MED12L: variants seen among roughly 807,000 people sequenced by gnomAD.
The protein encoded by MED12L is mediator of RNA polymerase II transcription subunit 12-like protein.
A neutral mutation model predicts 281.3 loss-of-function variants in MED12L; 60 were observed. The observed-to-expected ratio is 0.21, with a 90% confidence interval of 0.17 to 0.26. The LOEUF (loss-of-function observed/expected upper bound fraction) is 0.26. Among genes scored for constraint, MED12L ranks in the 10% least tolerant of loss-of-function variants. The pLI is 1.00. For synonymous variants in MED12L, 974 were observed against 987.2 expected (o/e 0.99, Z 0.25); for missense variants, 2,146 against 2,680.9 (o/e 0.80, Z 4.41).
At chr3:151,259,954 G>A (rs1273061930) in intron 16 of MED12L, among the ~76,000 whole-genome samples, 1 of 152,118 alleles carries the variant, frequency 6.6e-6, no homozygotes. Context: ...TCCCCTTTTG[G>A]TATGTGGTAA....
At chr3:151,259,007 A>G (rs1379824290) in intron 16 of MED12L, among the ~76,000 whole-genome samples, 2 of 152,226 alleles carry the variant, frequency 1.3e-5, no homozygotes, top group African/African-American at 2.4e-5. Flanking sequence ...CTGCACACAC[A>G]TATGTAATAT....
chr3:151,244,728 A>G (rs1273894978), intron 16 of MED12L, among the ~76,000 whole-genome samples: 1 of 151,906 alleles, frequency 6.6e-6, no homozygotes, highest in Non-Finnish European at 1.5e-5. Context: ...AAGAGCAAAC[A>G]CATTCAAAAG....
chr3:151,283,904 C>T (rs1743127355), intron 16 of MED12L, among the ~76,000 whole-genome samples: 1 of 152,098 alleles, frequency 6.6e-6, no homozygotes, highest in Non-Finnish European at 1.5e-5. Flanking sequence ...AATCCCTGAC[C>T]TGCATAATGA....
chr3:151,380,501 G>A (rs1486567888), intron 32 of MED12L, among the ~76,000 whole-genome samples: 2 of 151,574 alleles, frequency 1.3e-5, no homozygotes, highest in Non-Finnish European at 2.9e-5. Flanking sequence ...GGAGGCCAAG[G>A]CAGGAGAATT....
intron 16 of MED12L, chr3:151,329,128 A>T: frequency 1.4e-6 from 1 of 692,358 alleles, no homozygotes; most frequent in Non-Finnish European, 2.4e-6. Context: ...CATTTATCCA[A>T]CACTTTCAAT....
intron 16 of MED12L, among the ~76,000 whole-genome samples, chr3:151,343,271 A>C (rs150425642): frequency 1.0e-3 from 159 of 152,346 alleles, no homozygotes; most frequent in African/African-American, 3.4e-3. Context: ...TTAACAAATC[A>C]ATCTGCCATA....
chr3:151,126,710 A>C (rs1714583748), intron 4 of MED12L, among the ~76,000 whole-genome samples: 1 of 152,214 alleles, frequency 6.6e-6, no homozygotes, highest in Non-Finnish European at 1.5e-5. Context: ...AGGATCCTCT[A>C]AGAAAGGGTC....
At chr3:151,132,625 A>C (rs1053703933) in intron 5 of MED12L, among the ~76,000 whole-genome samples, 2 of 152,186 alleles carry the variant, frequency 1.3e-5, no homozygotes, top group African/African-American at 4.8e-5. Flanking sequence ...CAAAGTTACT[A>C]TTCTACCCTT....
chr3:151,265,077 C>T (rs1183492441), intron 16 of MED12L, among the ~76,000 whole-genome samples: 2 of 152,184 alleles, frequency 1.3e-5, no homozygotes, highest in Non-Finnish European at 2.9e-5. Flanking sequence ...GCCATTATGT[C>T]CTGCCTCCAG....
chr3:151,319,716 T>C (rs909715623), intron 16 of MED12L, among the ~76,000 whole-genome samples: 14 of 152,164 alleles, frequency 9.2e-5, no homozygotes, highest in African/African-American at 3.1e-4. Flanking sequence ...AAATGTCAGA[T>C]TATGAGCAGT....
intron 5 of MED12L, among the ~76,000 whole-genome samples, chr3:151,146,067 C>T (rs1242461395): frequency 6.6e-6 from 1 of 152,228 alleles, no homozygotes; most frequent in African/African-American, 2.4e-5. Context: ...AACTCCATAG[C>T]TTGCCACTGC....
intron 3 of MED12L, among the ~76,000 whole-genome samples, chr3:151,121,861 G>T (rs573719939): frequency 3.3e-5 from 5 of 149,756 alleles, no homozygotes; most frequent in Non-Finnish European, 5.9e-5. Flanking sequence ...GATTATAAGC[G>T]CATGCCAGGC....
chr3:151,169,265 C>G (rs1277649074), intron 11 of MED12L, among the ~76,000 whole-genome samples: 1 of 151,480 alleles, frequency 6.6e-6, no homozygotes, highest in Non-Finnish European at 1.5e-5. Context: ...TTACAGGTGC[C>G]CTGCCGTCAC....
At chr3:151,159,150 G>A (rs977802526) in intron 7 of MED12L, among the ~76,000 whole-genome samples, 1 of 152,118 alleles carries the variant, frequency 6.6e-6, no homozygotes, top group African/African-American at 2.4e-5. Flanking sequence ...TGAAGATAGG[G>A]GATCTTCTAC....
At chr3:151,346,666 C>G (rs1329441581) in intron 16 of MED12L, among the ~76,000 whole-genome samples, 1 of 152,120 alleles carries the variant, frequency 6.6e-6, no homozygotes, top group Non-Finnish European at 1.5e-5. Flanking sequence ...AATTAAGGAG[C>G]ATGTATGTGC....
chr3:151,174,086 GT>G (rs1357379509), intron 11 of MED12L, among the ~76,000 whole-genome samples: 3 of 152,196 alleles, frequency 2.0e-5, no homozygotes, highest in Non-Finnish European at 4.4e-5. Context: ...ATACTTACCA[GT>G]TGAGCACCCC....
chr3:151,337,020 A>G (rs1176355345), intron 16 of MED12L: 1 of 152,266 alleles, frequency 6.6e-6, no homozygotes, highest in African/African-American at 2.4e-5. Context: ...GCTATTTTCT[A>G]GAAGCTAATT....
chr3:151,355,197 C>G lies in MED12L; in HGVS notation c.2475C>G (p.Leu825=), dbSNP rs1753757369. The change falls in exon 18 of 45, where the codon CTC becomes CTG. Residue 825 remains leucine (L), a synonymous_variant. Transcript: ENST00000687756. ...CACTGGAGACTGTGTTCACTAAACT[C>G]CAGCTCCTTTCATATTTTGATCAAC... ...FPTLETVFTK[L]QLLSYFDQHQ... 6.2e-6 allele frequency: 10 copies of G among 1,613,830 alleles called. No individual in the cohort carries two copies. Among genetic ancestry groups the G allele is most frequent in the Non-Finnish European group, 8.5e-6 (10 of 1,179,844 alleles).
intron 16 of MED12L, among the ~76,000 whole-genome samples, chr3:151,255,805 A>G (rs1048350711): frequency 2.6e-5 from 4 of 152,198 alleles, no homozygotes; most frequent in Non-Finnish European, 5.9e-5. Flanking sequence ...AAATTTGGAT[A>G]TACAAGCCAG....
Sources: gnomAD v4.1 joint callset for allele counts (sites outside exome capture counted in the v4.1 genomes callset) on GRCh38, gnomAD v4.1.1 for gene constraint, MANE v1.5 for transcripts, NCBI Gene and HGNC (gene_info 2026-07-23, HGNC 2026-07-21) for gene names.